Variants in VTCN1 observed in about 807,000 individuals in gnomAD.
VTCN1 encodes V-set domain containing T cell activation inhibitor 1, also known as V-set domain-containing T-cell activation inhibitor 1.
VTCN1 carries 26 observed loss-of-function variants against 26.5 expected under a neutral mutation model. The ratio of observed to expected loss-of-function variants is 0.98; its 90% CI spans 0.72 to 1.36. The LOEUF is 1.36. Among genes scored for constraint, VTCN1 ranks in the 40% most tolerant of loss-of-function variants. VTCN1 has a pLI of 0.00. For synonymous variants in VTCN1, 116 were observed against 130.7 expected, an observed-to-expected ratio of 0.89 and a Z score of 0.77; for missense variants, 298 against 337.7, an observed-to-expected ratio of 0.88 and a Z score of 0.92.
intron 1 of VTCN1, among the ~76,000 whole-genome samples, chr1:117,193,262 A>G (rs1351424613): frequency 1.3e-5 from 2 of 152,164 alleles, no homozygotes; most frequent in African/African-American, 4.8e-5. Context: ...CCTATCAATA[A>G]CTACTTTAAA....
At chr1:117,191,868 G>C (rs551510770) in intron 1 of VTCN1, among the ~76,000 whole-genome samples, 17 of 152,242 alleles carry the variant, frequency 1.1e-4, no homozygotes, top group Non-Finnish European at 1.9e-4. Flanking sequence ...AAGGTGGAAG[G>C]ATCTCTTGAA....
At chr1:117,173,115 C>T (rs576830401) in intron 1 of VTCN1, 5 of 711,534 alleles carry the variant, frequency 7.0e-6, no homozygotes, top group Non-Finnish European at 1.3e-5. Context: ...AGACCAGAAC[C>T]CACAGGGAGG....
At chr1:117,153,582 C>T (rs899381929) in intron 3 of VTCN1, among the ~76,000 whole-genome samples, 3 of 151,310 alleles carry the variant, frequency 2.0e-5, no homozygotes, top group African/African-American at 7.3e-5. Flanking sequence ...CTATACATCA[C>T]AACCCTTTGG....
chr1:117,191,170 C>T (rs1015302839), intron 1 of VTCN1, among the ~76,000 whole-genome samples: 1 of 151,822 alleles, frequency 6.6e-6, no homozygotes, highest in African/African-American at 2.4e-5. Context: ...CTTGATCATA[C>T]AAGAAAAAAA....
At position 117,156,852 on chromosome 1, in the gene VTCN1, C is replaced by T. The variant is rs1181428546; in HGVS notation, c.167G>A (p.Cys56Tyr). The T allele has an allele frequency of 6.2e-7, 1 of 1,613,984 alleles. No homozygotes were observed. Among genetic ancestry groups the T allele is most frequent in the Admixed American group, 1.7e-5 (1 of 59,992 alleles). ...GNIGEDGILS[C>Y]TFEPDIKLSD... is the part of the protein sequence containing the mutation. ...AAGTTTGATGTCAGGTTCAAAAGTG[C>T]AGCTCAGGATTCCATCCTCCCCAAT... is the stretch of plus-strand genomic sequence containing the variant. Residue 56 changes from cysteine (C) to tyrosine (Y), a missense_variant, in exon 3 of 6, where the codon TGC becomes TAC. Cys to Tyr is a radical substitution (Grantham distance 194). Coordinates refer to ENST00000369458, the MANE Select transcript of VTCN1 (RefSeq NM_024626.4).
At chr1:117,199,303 C>A (rs550420652) in intron 1 of VTCN1, among the ~76,000 whole-genome samples, 2 of 152,104 alleles carry the variant, frequency 1.3e-5, no homozygotes, top group South Asian at 2.1e-4. Context: ...TATATTAGGT[C>A]AAATCCTTTG....
At chr1:117,205,976 C>T (rs1649034191) in intron 1 of VTCN1, among the ~76,000 whole-genome samples, 1 of 151,994 alleles carries the variant, frequency 6.6e-6, no homozygotes, top group Admixed American at 6.6e-5. Flanking sequence ...CTAGGACCTC[C>T]CAGATGCATC....
At chr1:117,210,543 A>T (rs969758654) in intron 1 of VTCN1, among the ~76,000 whole-genome samples, 1 of 151,728 alleles carries the variant, frequency 6.6e-6, no homozygotes, top group African/African-American at 2.4e-5. Context: ...CTTGGCACGT[A>T]CTCCCCTCAG....
rs1351347228 is a variant in VTCN1, at chr1:117,169,407, C to T, written c.97+700G>A. On this transcript the variant is annotated intron_variant, in intron 2 of 5. Transcript: ENST00000369458. The surrounding 1 kb of genome is among the most constrained non-coding windows in gnomAD (Gnocchi z 4.0). The stretch of plus-strand genomic sequence containing the variant: ...TACAAAGACTTGATATTCTTTAACA[C>T]TTCAGCTGAAGCTTCGTTGCAAAGA... 1.3e-5 allele frequency among the ~76,000 whole-genome samples: 2 copies of T among 152,218 alleles called. No individual in the cohort carries two copies. The highest frequency in any genetic ancestry group is 2.9e-5 in the Non-Finnish European group (2 of 68,042).
chr1:117,149,274 C>T (rs1213562378), intron 4 of VTCN1, among the ~76,000 whole-genome samples: 1 of 150,066 alleles, frequency 6.7e-6, no homozygotes, highest in Non-Finnish European at 1.5e-5. Flanking sequence ...ACACATATTG[C>T]TCCTATGTTT....
At chr1:117,176,509 A>G (rs74740062) in intron 1 of VTCN1, among the ~76,000 whole-genome samples, 5,855 of 152,338 alleles carry the variant, frequency 0.038, 164 homozygotes, top group South Asian at 0.082. Context: ...TGTTTTATTC[A>G]AACATGAATG....
intron 1 of VTCN1, chr1:117,203,908 G>A: frequency 2.4e-6 from 1 of 422,576 alleles, no homozygotes; most frequent in Non-Finnish European, 3.2e-6. Context: ...ATAGTTCCCA[G>A]GTGATGTGGA....
intron 1 of VTCN1, among the ~76,000 whole-genome samples, chr1:117,208,924 A>G (rs1275621667): frequency 1.3e-5 from 2 of 152,160 alleles, no homozygotes; most frequent in Non-Finnish European, 1.5e-5. Context: ...CACCTCCAGG[A>G]GAGGTATTTT....
Position 117,193,124 on chromosome 1 carries a change from T to C in VTCN1, c.32+17700A>G, listed in dbSNP as rs1164460718. On this transcript the variant is annotated intron_variant, in intron 1 of 5. Coordinates refer to ENST00000369458, the MANE Select transcript of VTCN1 (RefSeq NM_024626.4). Reference sequence around the variant, plus strand: ...GTATATGGGAGATGTGCATAAATTATATGCAAATACTACACCATTTTATAT... The same window carrying C: ...GTATATGGGAGATGTGCATAAATTACATGCAAATACTACACCATTTTATAT... Among the ~76,000 whole-genome samples the C allele has an allele frequency of 3.3e-5, 5 of 152,292 alleles. No individual in the cohort carries two copies. The East Asian group carries it at 9.6e-4, about 29-fold the overall frequency.
intron 1 of VTCN1, among the ~76,000 whole-genome samples, chr1:117,194,980 T>C (rs1386756743): frequency 6.6e-6 from 1 of 152,026 alleles, no homozygotes; most frequent in Non-Finnish European, 1.5e-5. Context: ...AATATTGTTT[T>C]GTAGGCCGGG....
chr1:117,171,141 A>G (rs1329434796), intron 1 of VTCN1, among the ~76,000 whole-genome samples: 1 of 152,086 alleles, frequency 6.6e-6, no homozygotes, highest in Non-Finnish European at 1.5e-5. Context: ...GCTGAGAATG[A>G]TGGTTTCCAG....
At chr1:117,173,812 C>G (rs1653053745) in intron 1 of VTCN1, among the ~76,000 whole-genome samples, 1 of 152,226 alleles carries the variant, frequency 6.6e-6, no homozygotes, top group African/African-American at 2.4e-5. Context: ...ATACCTGGGC[C>G]CTTGCCAAGA....
chr1:117,157,012 C>G lies in VTCN1; in HGVS notation c.98-91G>C, dbSNP rs758949417. 3.3e-5 allele frequency: 53 copies of G among 1,603,756 alleles called. 1 individual carries two copies. In the South Asian group the frequency reaches 5.4e-4, roughly 16 times the overall value. ...ATTGCTGAAAGCCAGACAGAGACTT[C>G]TGTGATAAATTAAAAATACAGAAGA... On this transcript the variant is annotated intron_variant, in intron 2 of 5. Transcript: ENST00000369458.
intron 1 of VTCN1, among the ~76,000 whole-genome samples, chr1:117,176,177 T>C (rs571144106): frequency 6.6e-6 from 1 of 152,354 alleles, no homozygotes; most frequent in East Asian, 1.9e-4. Context: ...TGTTTCTCAT[T>C]CAACCCTACA....
Sources: allele counts gnomAD v4.1 joint callset (sites outside exome capture counted in the v4.1 genomes callset), GRCh38; gene constraint gnomAD v4.1.1; non-coding constraint Gnocchi (gnomAD v3.1); transcripts MANE v1.5; gene names NCBI Gene and HGNC (gene_info 2026-07-23, HGNC 2026-07-21).